The following L3MBTL2 variants were observed in gnomAD, a reference collection of about 807,000 sequenced individuals.
L3MBTL2 encodes L3MBTL histone methyl-lysine binding protein 2.
In L3MBTL2, 49 loss-of-function variants were observed where a neutral mutation model predicts 86.4. The observed-to-expected ratio is 0.57, with a 90% confidence interval of 0.45 to 0.72. The LOEUF (loss-of-function observed/expected upper bound fraction) is 0.72, where lower values mean the gene tolerates loss of function less well. Ranked by LOEUF, L3MBTL2 falls within the 30% of genes least tolerant of loss-of-function variation. The probability of loss-of-function intolerance (pLI) is 0.00; values close to 1 mark genes in which losing one functional copy is unlikely to be tolerated. For synonymous variants in L3MBTL2, 336 were observed against 350.6 expected (o/e 0.96, Z 0.47); for missense variants, 755 against 923.7 (o/e 0.82, Z 2.37).
chr22:41,205,681 CGTGGCTGTGTTGTTTAGGGCTT>C (rs1429209040), intron 1 of L3MBTL2, among the ~76,000 whole-genome samples: 2 of 152,022 alleles, frequency 1.3e-5, no homozygotes, highest in African/African-American at 4.8e-5. Context: ...CTGCTTGTCT[CGTGGCTGTGTTGTTTAGGGCTT>C]GTGAGGCCTG....
In L3MBTL2 at chr22:41,230,373, G is replaced by T; in HGVS notation, c.*122G>T. 1 of 737,862 alleles carries T rather than the reference G, an allele frequency of 1.4e-6. No homozygotes were observed. The highest frequency in any genetic ancestry group is 2.3e-6 in the Non-Finnish European group (1 of 431,818). 45.7% of individuals were successfully genotyped at this position (737,862 alleles called of 1,614,324 possible). A position where few individuals can be genotyped will look rare whatever the true frequency, so the allele number is the denominator to read the frequency against. The stretch of plus-strand genomic sequence containing the variant: ...ATCCTCTCTGTGTAAATTCTGCCCG[G>T]TGCTGTGAAGGCTGGACGGTGGAGG... On this transcript the variant is annotated 3_prime_UTR_variant, in exon 17 of 17. Coordinates refer to ENST00000216237, the MANE Select transcript of L3MBTL2 (RefSeq NM_031488.5).
intron 3 of L3MBTL2, among the ~76,000 whole-genome samples, chr22:41,215,638 G>GCCTATGTGGACCCTCTCCCGAACATTCA (rs2031283161): frequency 1.3e-5 from 2 of 151,782 alleles, no homozygotes; most frequent in African/African-American, 2.4e-5. Context: ...CCAAACATTC[G>GCCTATGTGGACCCTCTCCCGAACATTCA]CCTATGTGGA....
chr22:41,206,756 G>C (rs1337113152), intron 1 of L3MBTL2, among the ~76,000 whole-genome samples: 1 of 151,510 alleles, frequency 6.6e-6, no homozygotes, highest in Non-Finnish European at 1.5e-5. Flanking sequence ...CCGAGATCGG[G>C]CCACTGCACC....
chr22:41,221,112 G>A (rs895622652), intron 7 of L3MBTL2, 87 bp from the exon 8 acceptor site: 4 of 1,261,190 alleles, frequency 3.2e-6, no homozygotes, highest in East Asian at 5.1e-5. Context: ...CACTGCTGAG[G>A]GGTCCCCACT....
At chr22:41,220,699 C>T (rs1419232598) in intron 6 of L3MBTL2, 35 bp from the exon 7 acceptor site, 3 of 1,581,290 alleles carry the variant, frequency 1.9e-6, no homozygotes, top group Non-Finnish European at 2.6e-6. Flanking sequence ...CCCCAGCTCA[C>T]CCTCCCTCAC....
Position 41,224,887 on chromosome 22 carries a change from C to T in L3MBTL2, c.1252-80C>T, listed in dbSNP as rs2032075130. ...ACCTGGCTCTTCCCCTGGGACCATC[C>T]CTTTCCCTCCTGAGGCCTGCTTCCC... On this transcript the variant is annotated intron_variant, in intron 10 of 16. Coordinates refer to ENST00000216237, the MANE Select transcript of L3MBTL2 (RefSeq NM_031488.5). This position sits in a 1 kb window ranked among gnomAD's most constrained non-coding sequence, Gnocchi z 4.9. The T allele has an allele frequency of 7.7e-6, 12 of 1,552,780 alleles. No homozygotes were observed. The South Asian group carries it at 1.2e-4, about 16-fold the overall frequency.
chr22:41,229,657 G>A lies in L3MBTL2; in HGVS notation c.2005+1G>A, dbSNP rs1251512489. On this transcript the variant is annotated splice_donor_variant, in intron 16 of 16. Transcript: ENST00000216237. LOFTEE classifies it high-confidence loss of function. ...TCGTCGGAGCCTGTTCCTGGCGAGAGTAAGAGCCACCGGGCTGGGTCAAGG... is the reference window on the plus strand; with the variant it reads ...TCGTCGGAGCCTGTTCCTGGCGAGAATAAGAGCCACCGGGCTGGGTCAAGG... The A allele has an allele frequency of 6.2e-7, 1 of 1,613,382 alleles. No individual in the cohort carries two copies. Among genetic ancestry groups the A allele is most frequent in the Non-Finnish European group, 8.5e-7 (1 of 1,180,018 alleles).
rs956459194 is a variant in L3MBTL2 at position 41,230,176 on chromosome 22, G to C, written c.2043G>C (p.Val681=). 6.2e-7 allele frequency: 1 copy of C among 1,602,882 alleles called. No homozygotes were observed. Among genetic ancestry groups the C allele is most frequent in the Non-Finnish European group, 8.5e-7 (1 of 1,173,964 alleles). ...GTGTGAAGGAAGAGCATCTAGACGT[G>C]GCCTCGCCCGACAAGGCTTCAAGTC... ...AVRVKEEHLD[V]ASPDKASSPE... The change falls in exon 17 of 17, where the codon GTG becomes GTC. Residue 681 remains valine (V), a synonymous_variant. Coordinates refer to ENST00000216237, the MANE Select transcript of L3MBTL2 (RefSeq NM_031488.5).
At position 41,224,712 on chromosome 22, in the gene L3MBTL2, A is replaced by G. The variant is rs371217965; in HGVS notation, c.1175-13A>G. 127 of 1,606,858 alleles carry G rather than the reference A, an allele frequency of 7.9e-5. No homozygotes were observed. In the African/African-American group the frequency reaches 1.5e-3, roughly 19 times the overall value. On this transcript the variant is annotated splice_polypyrimidine_tract_variant and intron_variant, in intron 9 of 16. Coordinates refer to ENST00000216237, the MANE Select transcript of L3MBTL2 (RefSeq NM_031488.5). This position sits in a 1 kb window ranked among gnomAD's most constrained non-coding sequence, Gnocchi z 4.9. The stretch of plus-strand genomic sequence containing the variant: ...CCCTTCTCTCCCTCATTCCCTATCC[A>G]TCTCCTCCAAAGAGAGGCGAAGTGA...
At chr22:41,213,171 T>G (rs1007168253) in intron 2 of L3MBTL2, among the ~76,000 whole-genome samples, 1 of 152,066 alleles carries the variant, frequency 6.6e-6, no homozygotes, top group South Asian at 2.1e-4. Context: ...GAGCCAAGAT[T>G]GCGCCAGTGT....
intron 3 of L3MBTL2, among the ~76,000 whole-genome samples, chr22:41,215,026 C>G (rs1321921120): frequency 2.6e-5 from 4 of 152,058 alleles, no homozygotes; most frequent in Admixed American, 1.3e-4. Flanking sequence ...TGCTTGGGTC[C>G]TACTCCGAAA....
intron 8 of L3MBTL2, among the ~76,000 whole-genome samples, chr22:41,223,736 C>T (rs1312166094): frequency 6.6e-6 from 1 of 152,226 alleles, no homozygotes; most frequent in East Asian, 1.9e-4. Context: ...TTGTGATTTG[C>T]ATCAACTCAT....
At chr22:41,213,710 T>C in intron 2 of L3MBTL2, 183 bp from the exon 3 acceptor site, 1 of 614,254 alleles carries the variant, frequency 1.6e-6, no homozygotes, top group Admixed American at 2.8e-5. Flanking sequence ...GCAGCAGCAC[T>C]TCATTCAGGT....
intron 1 of L3MBTL2, among the ~76,000 whole-genome samples, chr22:41,208,626 T>C (rs1413830503): frequency 1.3e-5 from 2 of 152,204 alleles, no homozygotes; most frequent in African/African-American, 4.8e-5. Flanking sequence ...GCCACAGTTA[T>C]CTGTGTGTCA....
intron 4 of L3MBTL2, among the ~76,000 whole-genome samples, chr22:41,216,786 GGT>G (rs2031403127): frequency 6.6e-6 from 1 of 152,222 alleles, no homozygotes; most frequent in South Asian, 2.1e-4. Context: ...ATTTAGATTG[GGT>G]GTGGCCAATC....
In L3MBTL2 at chr22:41,224,309, GGAGCACCTTCCTACTC is replaced by G. The variant is rs1296462176; in HGVS notation, c.1174+60_1174+75del. The G allele has an allele frequency of 1.1e-5, 15 of 1,410,886 alleles. No homozygotes were observed. Among genetic ancestry groups the G allele is most frequent in the Non-Finnish European group, 1.4e-5 (14 of 1,012,164 alleles). 87.4% of individuals were successfully genotyped at this position (1,410,886 alleles called of 1,614,324 possible). ...GCTGTGCTTCCCCAGGGACGGAGTG[GGAGCACCTTCCTACTC>G]GTCACAGCAGGTCAGCAGGTGGAGG... On this transcript the variant is annotated intron_variant, in intron 9 of 16. Transcript: ENST00000216237. This position sits in a 1 kb window ranked among gnomAD's most constrained non-coding sequence, Gnocchi z 4.9.
intron 2 of L3MBTL2, among the ~76,000 whole-genome samples, chr22:41,212,558 C>T (rs867713593): frequency 2.6e-5 from 4 of 151,980 alleles, no homozygotes; most frequent in Admixed American, 2.6e-4. Context: ...CCACCGCGCC[C>T]GGCCATCTCA....
chr22:41,206,297 A>C (rs1179289380), intron 1 of L3MBTL2, among the ~76,000 whole-genome samples: 1 of 150,608 alleles, frequency 6.6e-6, no homozygotes, highest in Non-Finnish European at 1.5e-5. Flanking sequence ...CTCATCCTTT[A>C]ATCATTTGGT....
In L3MBTL2 at chr22:41,224,803, T is replaced by C. The variant is rs1396498071; in HGVS notation, c.1251+2T>C. ...GCCGTTCCTTACCTCTTCAAGAAGG[T>C]GAGGTTCAGCTCTTGGGCGCTTTTC... On this transcript the variant is annotated splice_donor_variant, in intron 10 of 16. Coordinates refer to ENST00000216237, the MANE Select transcript of L3MBTL2 (RefSeq NM_031488.5). LOFTEE classifies it high-confidence loss of function. This position sits in a 1 kb window ranked among gnomAD's most constrained non-coding sequence, Gnocchi z 4.9. The C allele has an allele frequency of 6.2e-7, 1 of 1,612,784 alleles. No homozygotes were observed. Among genetic ancestry groups the C allele is most frequent in the Non-Finnish European group, 8.5e-7 (1 of 1,178,920 alleles).
Sources: gnomAD v4.1 joint callset for allele counts (sites outside exome capture counted in the v4.1 genomes callset) on GRCh38, gnomAD v4.1.1 for gene constraint, Gnocchi (gnomAD v3.1) non-coding constraint, MANE v1.5 for transcripts, NCBI Gene and HGNC (gene_info 2026-07-23, HGNC 2026-07-21) for gene names.